TTI1: variants seen among roughly 807,000 people sequenced by gnomAD.
TTI1 encodes TELO2-interacting protein 1 homolog.
TTI1 carries 52 observed loss-of-function variants against 85.4 expected under a neutral mutation model. The observed-to-expected ratio is 0.61, with a 90% CI of 0.49 to 0.77. The LOEUF (loss-of-function observed/expected upper bound fraction) is 0.77, where lower values mean the gene tolerates loss of function less well. TTI1 is among the 30% of genes least tolerant of loss of function. TTI1 has a pLI of 0.00. For synonymous variants in TTI1, 512 were observed against 503.9 expected (o/e 1.02, Z -0.22); for missense variants, 1,173 against 1,296.0 (o/e 0.91, Z 1.46).
At chr20:37,997,082 A>C in intron 5 of TTI1, 129 bp from the exon 6 acceptor site, 4 of 1,048,012 alleles carry the variant, frequency 3.8e-6, no homozygotes, top group Non-Finnish European at 5.4e-6. Flanking sequence ...TACTGCTGTT[A>C]ATTCCTTGCC....
intron 1 of TTI1, among the ~76,000 whole-genome samples, chr20:38,032,070 T>C (rs2073916559): frequency 6.6e-6 from 1 of 152,202 alleles, no homozygotes; most frequent in African/African-American, 2.4e-5. Context: ...ACTAACTCAC[T>C]TGATAAATCA....
At chr20:38,023,800 T>C (rs2073800523) in intron 1 of TTI1, among the ~76,000 whole-genome samples, 1 of 152,058 alleles carries the variant, frequency 6.6e-6, no homozygotes, top group Non-Finnish European at 1.5e-5. Context: ...TCTAGAAATG[T>C]TTCCTTAGCA....
Position 38,013,285 on chromosome 20 carries a change from A to C in TTI1, c.532T>G (p.Leu178Val), listed in dbSNP as rs769975116. The change falls in exon 2 of 8, where the codon TTA becomes GTA. Residue 178 changes from leucine to valine, a missense_variant. Transcript: ENST00000373447. Reference protein sequence around the residue: ...KQIKIAALKCLQVLLLQCDCQ... With the variant: ...KQIKIAALKCVQVLLLQCDCQ... ...TCACACTGCAAGAGTAGAACCTGTA[A>C]ACATTTTAAGGCAGCAATTTTAATT... 3.1e-6 allele frequency: 5 copies of C among 1,614,072 alleles called. No homozygotes were observed. Among genetic ancestry groups the C allele is most frequent in the Non-Finnish European group, 4.2e-6 (5 of 1,180,034 alleles).
At chr20:37,985,411 C>A (rs1410839177) in intron 7 of TTI1, among the ~76,000 whole-genome samples, 2 of 152,132 alleles carry the variant, frequency 1.3e-5, no homozygotes, top group African/African-American at 4.8e-5. Context: ...CCTGCACCCT[C>A]AGGGGATTTG....
chr20:38,006,058 CAGG>C, intron 3 of TTI1, 136 bp downstream of exon 3: 1 of 959,620 alleles, frequency 1.0e-6, no homozygotes, highest in Non-Finnish European at 1.5e-6. Flanking sequence ...TTACACAAAA[CAGG>C]AGAATAGCTA....
At position 37,985,040 on chromosome 20, in the gene TTI1, C is replaced by T. The variant is rs890494427; in HGVS notation, c.3087-1401G>A. 5.9e-5 allele frequency among the ~76,000 whole-genome samples: 9 copies of T among 152,326 alleles called. No individual in the cohort carries two copies. The East Asian group carries it at 1.5e-3, about 26-fold the overall frequency. ...GGATCTGAAGGAGGGGTTAAACTCT[C>T]ACCACCAAGGAAGGAACAAGGAAGA... is the stretch of plus-strand genomic sequence containing the variant. On this transcript the variant is annotated intron_variant, in intron 7 of 7. Coordinates refer to ENST00000373447, the MANE Select transcript of TTI1 (RefSeq NM_001303457.2).
At chr20:38,005,962 CA>C (rs2073491477) in intron 3 of TTI1, 2 of 481,748 alleles carry the variant, frequency 4.2e-6, no homozygotes, top group Non-Finnish European at 7.5e-6. Flanking sequence ...CGGCAATAAG[CA>C]GAGTTGCTTA....
chr20:37,983,862 G>A (rs2073155208), intron 7 of TTI1, among the ~76,000 whole-genome samples: 2 of 152,208 alleles, frequency 1.3e-5, no homozygotes, highest in South Asian at 2.1e-4. Flanking sequence ...CATATCCATC[G>A]ACATACAGAA....
At chr20:38,027,298 C>T (rs1470422215) in intron 1 of TTI1, among the ~76,000 whole-genome samples, 1 of 152,132 alleles carries the variant, frequency 6.6e-6, no homozygotes, top group Non-Finnish European at 1.5e-5. Context: ...ATTACAACAC[C>T]TAACACAATG....
chr20:38,009,524 T>C (rs770745450), intron 2 of TTI1, among the ~76,000 whole-genome samples: 3 of 152,020 alleles, frequency 2.0e-5, no homozygotes, highest in Non-Finnish European at 4.4e-5. Flanking sequence ...ATTTTTTTTT[T>C]TGAGACAGTC....
chr20:38,012,396 C>T lies in TTI1; in HGVS notation c.1421G>A (p.Arg474Lys). 1.9e-6 allele frequency: 3 copies of T among 1,614,206 alleles called. No individual in the cohort carries two copies. Among genetic ancestry groups the T allele is most frequent in the Non-Finnish European group, 2.5e-6 (3 of 1,180,040 alleles). The change falls in exon 2 of 8, where the codon AGA (arginine) becomes AAA (lysine). Residue 474 changes from arginine (R) to lysine (K), a missense_variant. By Grantham distance (26) the Arg-to-Lys change is conservative (BLOSUM62 2). Coordinates refer to ENST00000373447, the MANE Select transcript of TTI1 (RefSeq NM_001303457.2). ...ATQPWNRIQR[R>K]YFRFFTDERI... ...CTCATCAGTGAAGAAGCGGAAATAT[C>T]TCCTCTGGATGCGGTTCCAAGGCTG...
At chr20:37,997,019 T>C (rs2073352243) in intron 5 of TTI1, 66 bp from the exon 6 acceptor site, 1 of 1,541,474 alleles carries the variant, frequency 6.5e-7, no homozygotes, top group Non-Finnish European at 8.8e-7. Context: ...TAAAGAATGC[T>C]TGGTAATTCG....
At position 38,022,666 on chromosome 20, in the gene TTI1, A is replaced by T. The variant is rs187998948; in HGVS notation, c.-41-8809T>A. 2.6e-5 allele frequency among the ~76,000 whole-genome samples: 4 copies of T among 152,262 alleles called. No individual in the cohort carries two copies. The East Asian group carries it at 7.7e-4, about 29-fold the overall frequency. ...GTCTACACTGGGAGGGTCCTGCTAG[A>T]TTCATTCTGATGGGGTAATCATAAT... On this transcript the variant is annotated intron_variant, in intron 1 of 7. Transcript: ENST00000373447.
chr20:37,996,867 T>C lies in TTI1; in HGVS notation c.2880A>G (p.Leu960=), dbSNP rs2073349393. The change falls in exon 6 of 8, where the codon CTA becomes CTG. Residue 960 remains leucine, a synonymous_variant. Coordinates refer to ENST00000373447, the MANE Select transcript of TTI1 (RefSeq NM_001303457.2). The part of the protein sequence containing the change: ...KDVLPKLAGS[L]VTQAPISARA... ...TGGCACTGATGGGGGCCTGGGTGAC[T>C]AGGGAGCCAGCCAGCTTTGGCAGGA... 1 of 1,613,970 alleles carries C rather than the reference T, an allele frequency of 6.2e-7. No individual in the cohort carries two copies. The highest frequency in any genetic ancestry group is 1.7e-5 in the Admixed American group (1 of 60,000).
intron 1 of TTI1, among the ~76,000 whole-genome samples, chr20:38,015,524 A>G (rs2073670125): frequency 6.6e-6 from 1 of 152,176 alleles, no homozygotes. Flanking sequence ...GAAGTAGGAA[A>G]GAAAGAGAAT....
chr20:38,013,743 T>C lies in TTI1; in HGVS notation c.74A>G (p.Gln25Arg). 1 of 1,614,172 alleles carries C rather than the reference T, an allele frequency of 6.2e-7. No individual in the cohort carries two copies. The highest frequency in any genetic ancestry group is 1.1e-5 in the South Asian group (1 of 91,086). Residue 25 changes from glutamine (Q) to arginine (R), a missense_variant, in exon 2 of 8, where the codon CAG becomes CGG. By Grantham distance (43) the Gln-to-Arg change is conservative. Coordinates refer to ENST00000373447, the MANE Select transcript of TTI1 (RefSeq NM_001303457.2). ...RPVCVQLTKT[Q>R]TVENVEHLQT... is the part of the protein sequence containing the mutation. ...CAGATGCTCCACATTCTCCACTGTC[T>C]GGGTCTTTGTGAGCTGAACACAGAC...
chr20:38,009,197 A>G (rs1328052529), intron 2 of TTI1, among the ~76,000 whole-genome samples: 1 of 152,216 alleles, frequency 6.6e-6, no homozygotes, highest in Non-Finnish European at 1.5e-5. Context: ...CAGGTGGGAT[A>G]TATTTGGCCC....
At chr20:37,995,944 T>A (rs1010951220) in intron 7 of TTI1, among the ~76,000 whole-genome samples, 1 of 152,196 alleles carries the variant, frequency 6.6e-6, no homozygotes, top group Non-Finnish European at 1.5e-5. Context: ...TTTGCACTTG[T>A]GAGGGTTCAT....
intron 1 of TTI1, among the ~76,000 whole-genome samples, chr20:38,029,561 A>G (rs538115565): frequency 7.0e-6 from 1 of 143,616 alleles, no homozygotes; most frequent in South Asian, 2.3e-4. Flanking sequence ...CAAGGGAGTG[A>G]GTGAGCAAGA....
Sources: allele counts gnomAD v4.1 joint callset (sites outside exome capture counted in the v4.1 genomes callset), GRCh38; gene constraint gnomAD v4.1.1; transcripts MANE v1.5; gene names NCBI Gene and HGNC (gene_info 2026-07-23, HGNC 2026-07-21).